The following CACHD1 variants were observed in gnomAD, a reference collection of about 807,000 sequenced individuals.
The protein encoded by CACHD1 is cache domain containing 1, also known as VWFA and cache domain-containing protein 1.
Under a neutral mutation model 138.7 loss-of-function variants are expected in CACHD1, and 71 were observed. That is an observed-to-expected ratio of 0.51 (90% CI 0.42 to 0.62). The LOEUF is 0.62. Ranked by LOEUF, CACHD1 falls within the 20% of genes least tolerant of loss-of-function variation. The probability of loss-of-function intolerance (pLI) is 0.00; values close to 1 mark genes in which losing one functional copy is unlikely to be tolerated. For missense variants in CACHD1, 1,389 were observed against 1,625.3 expected, an observed-to-expected ratio of 0.85 and a Z score of 2.50; for synonymous variants, 578 against 591.5, an observed-to-expected ratio of 0.98 and a Z score of 0.33.
At chr1:64,658,036 A>T (rs1649322689) in intron 12 of CACHD1, among the ~76,000 whole-genome samples, 1 of 152,248 alleles carries the variant, frequency 6.6e-6, no homozygotes, top group African/African-American at 2.4e-5. Context: ...CTGTTTCTAC[A>T]TATGAGCTTA....
chr1:64,566,486 C>CCCG (rs1553133841), intron 2 of CACHD1, among the ~76,000 whole-genome samples: 4 of 143,522 alleles, frequency 2.8e-5, no homozygotes, highest in East Asian at 4.2e-4. Context: ...AATTCCCCCC[C>CCCG]CCCCACAAGG....
intron 1 of CACHD1, among the ~76,000 whole-genome samples, chr1:64,514,791 A>G (rs1328262394): frequency 2.6e-5 from 4 of 152,200 alleles, no homozygotes. Flanking sequence ...TAAGATATGT[A>G]TTAATTCTTA....
At chr1:64,688,519 C>T (rs957358505) in intron 26 of CACHD1, among the ~76,000 whole-genome samples, 1 of 152,092 alleles carries the variant, frequency 6.6e-6, no homozygotes, top group African/African-American at 2.4e-5. Flanking sequence ...ATTTGGTCAC[C>T]AAATCCAGCC....
At chr1:64,538,526 A>G (rs1374453316) in intron 1 of CACHD1, among the ~76,000 whole-genome samples, 2 of 152,204 alleles carry the variant, frequency 1.3e-5, no homozygotes, top group Non-Finnish European at 2.9e-5. Context: ...ACAGTATTTT[A>G]TAGAATCTAA....
At chr1:64,644,304 C>G (rs770192675) in intron 8 of CACHD1, among the ~76,000 whole-genome samples, 13 of 152,236 alleles carry the variant, frequency 8.5e-5, no homozygotes, top group Non-Finnish European at 1.5e-4. Flanking sequence ...CTACCATGTA[C>G]AACACAGGGT....
At chr1:64,584,172 T>C (rs1647032953) in intron 3 of CACHD1, among the ~76,000 whole-genome samples, 1 of 152,072 alleles carries the variant, frequency 6.6e-6, no homozygotes, top group South Asian at 2.1e-4. Flanking sequence ...GGGAAAGACA[T>C]GTGGCAATGT....
chr1:64,677,653 AT>A (rs1650041152), intron 22 of CACHD1, among the ~76,000 whole-genome samples: 2 of 152,252 alleles, frequency 1.3e-5, no homozygotes, highest in African/African-American at 4.8e-5. Context: ...CCCCAAGTCA[AT>A]TAAGTTTGGG....
intron 2 of CACHD1, among the ~76,000 whole-genome samples, chr1:64,561,337 CTG>C (rs1441688609): frequency 6.6e-6 from 1 of 152,016 alleles, no homozygotes. Flanking sequence ...ATATTACAAA[CTG>C]CACAAGAAAA....
intron 3 of CACHD1, among the ~76,000 whole-genome samples, chr1:64,582,976 A>T (rs895321242): frequency 1.3e-5 from 2 of 152,230 alleles, no homozygotes; most frequent in Admixed American, 1.3e-4. Context: ...GTTTTCTACC[A>T]ATGTGGAAAA....
intron 26 of CACHD1, among the ~76,000 whole-genome samples, chr1:64,690,681 A>G (rs928029588): frequency 1.3e-5 from 2 of 152,244 alleles, no homozygotes; most frequent in Non-Finnish European, 2.9e-5. Context: ...CTCTCTGATC[A>G]TCATTTCCCT....
At chr1:64,503,446 T>C (rs868825927) in intron 1 of CACHD1, among the ~76,000 whole-genome samples, 2 of 152,156 alleles carry the variant, frequency 1.3e-5, no homozygotes, top group Non-Finnish European at 2.9e-5. Context: ...AGATACTAAG[T>C]CATGCCTTTT....
intron 4 of CACHD1, among the ~76,000 whole-genome samples, chr1:64,617,675 G>C (rs1647760523): frequency 6.6e-6 from 1 of 152,182 alleles, no homozygotes; most frequent in Non-Finnish European, 1.5e-5. Flanking sequence ...GCCTTAACTG[G>C]CATGATCAAT....
At chr1:64,583,729 G>A (rs1348544546) in intron 3 of CACHD1, among the ~76,000 whole-genome samples, 2 of 152,148 alleles carry the variant, frequency 1.3e-5, no homozygotes, top group East Asian at 3.9e-4. Context: ...AATCATGGCG[G>A]AAAGTGAAGG....
intron 7 of CACHD1, among the ~76,000 whole-genome samples, chr1:64,640,296 C>A (rs1037158912): frequency 9.2e-5 from 14 of 152,290 alleles, no homozygotes; most frequent in African/African-American, 3.1e-4. Flanking sequence ...AACTAAAACA[C>A]AATAACAGAA....
chr1:64,668,113 G>A (rs1649694533), intron 16 of CACHD1, among the ~76,000 whole-genome samples: 2 of 152,060 alleles, frequency 1.3e-5, no homozygotes, highest in South Asian at 4.2e-4. Flanking sequence ...CGGATCATGA[G>A]GTCAGAAGTT....
At chr1:64,654,378 C>T (rs1160297285) in intron 11 of CACHD1, among the ~76,000 whole-genome samples, 2 of 152,002 alleles carry the variant, frequency 1.3e-5, no homozygotes, top group Non-Finnish European at 2.9e-5. Context: ...CAGATGGTAA[C>T]CTGTAGAGGA....
intron 1 of CACHD1, among the ~76,000 whole-genome samples, chr1:64,546,335 G>A (rs72673335): frequency 0.017 from 2,448 of 148,118 alleles, 29 homozygotes; most frequent in Non-Finnish European, 0.023. Context: ...TCTCTTTTTC[G>A]TTTACTTTTT....
intron 1 of CACHD1, among the ~76,000 whole-genome samples, chr1:64,540,553 C>G (rs968623869): frequency 7.2e-5 from 11 of 152,144 alleles, no homozygotes; most frequent in African/African-American, 2.7e-4. Context: ...AAAACAACAA[C>G]AAAAACTCAG....
intron 6 of CACHD1, among the ~76,000 whole-genome samples, chr1:64,633,141 T>C (rs924131823): frequency 6.6e-6 from 1 of 152,194 alleles, no homozygotes; most frequent in Non-Finnish European, 1.5e-5. Context: ...TGAGAAAGTA[T>C]CAGGAGCCTG....
Sources: allele counts gnomAD v4.1 joint callset (sites outside exome capture counted in the v4.1 genomes callset), GRCh38; gene constraint gnomAD v4.1.1; transcripts MANE v1.5; gene names NCBI Gene and HGNC (gene_info 2026-07-23, HGNC 2026-07-21).